THBS4: variants seen among roughly 807,000 people sequenced by gnomAD.
THBS4 encodes the protein thrombospondin-4.
THBS4 carries 90 observed loss-of-function variants against 115.7 expected under a neutral mutation model. The observed-to-expected ratio is 0.78, with a 90% CI of 0.66 to 0.93. THBS4 has a LOEUF of 0.93. Ranked by LOEUF, THBS4 falls within the 40% of genes least tolerant of loss-of-function variation. The pLI, the probability that THBS4 is intolerant of heterozygous loss-of-function variation, is 0.00. For synonymous variants in THBS4, 460 were observed against 479.3 expected, an observed-to-expected ratio of 0.96 and a Z score of 0.53; for missense variants, 1,087 against 1,232.7, an observed-to-expected ratio of 0.88 and a Z score of 1.77.
rs1831672573 is a variant in THBS4, at chr5:79,991,558, T to G, written n.81+146T>G. 1.5e-5 allele frequency: 4 copies of G among 264,230 alleles called. No individual in the cohort carries two copies. In the South Asian group the frequency reaches 6.3e-4, roughly 41 times the overall value. The allele number at this position is 264,230 out of a possible 1,614,324, so 16.4% of individuals were successfully genotyped here. On this transcript the variant is annotated intron_variant and non_coding_transcript_variant, in intron 1 of 3. Coordinates refer to the THBS4 transcript ENST00000510218. ...TGTTTGTAAAACAGGGATGACCCAGTATTTACAAGATTGTGGTATTTACAA... is the reference window on the plus strand; with the variant it reads ...TGTTTGTAAAACAGGGATGACCCAGGATTTACAAGATTGTGGTATTTACAA...
chr5:80,040,005 C>A (rs1181318770), intron 1 of THBS4, 72 bp from the exon 2 acceptor site: 8 of 1,392,240 alleles, frequency 5.7e-6, no homozygotes, highest in Non-Finnish European at 6.1e-6. Context: ...TGCACCCCCC[C>A]CAAACAAAGA....
chr5:80,081,754 T>TG (rs1743518484), intron 20 of THBS4, among the ~76,000 whole-genome samples: 1 of 152,242 alleles, frequency 6.6e-6, no homozygotes, highest in African/African-American at 2.4e-5. Flanking sequence ...CCCTGATAGT[T>TG]GCTCTTTACC....
At chr5:80,003,138 A>G (rs1246576870) in intron 2 of THBS4, among the ~76,000 whole-genome samples, 2 of 152,166 alleles carry the variant, frequency 1.3e-5, no homozygotes, top group Non-Finnish European at 2.9e-5. Flanking sequence ...CGATATTATT[A>G]AGAGAGGGAT....
intron 2 of THBS4, among the ~76,000 whole-genome samples, chr5:80,005,192 A>C (rs758295663): frequency 6.6e-6 from 1 of 152,178 alleles, no homozygotes; most frequent in Non-Finnish European, 1.5e-5. Flanking sequence ...CCTTTTGTTA[A>C]TGTTTATTTT....
At chr5:80,079,418 A>G (rs1444006316) in intron 19 of THBS4, among the ~76,000 whole-genome samples, 160 bp downstream of exon 19, 2 of 152,204 alleles carry the variant, frequency 1.3e-5, no homozygotes, top group Non-Finnish European at 1.5e-5. Context: ...CCTTGCCTTC[A>G]TTCCTGTGTG....
chr5:80,044,031 G>C (rs256448), intron 2 of THBS4, among the ~76,000 whole-genome samples: 36,051 of 152,006 alleles, frequency 0.24, 4,720 homozygotes, highest in African/African-American at 0.35. Context: ...TGTTCCTGCT[G>C]TCTGCTCCCT....
intron 1 of THBS4, among the ~76,000 whole-genome samples, chr5:80,038,979 C>T (rs1037030422): frequency 6.6e-6 from 1 of 152,166 alleles, no homozygotes; most frequent in Non-Finnish European, 1.5e-5. Flanking sequence ...TTTAAGTTAG[C>T]AACTCCTGCA....
In THBS4 at chr5:80,059,810, G is replaced by A. The variant is rs759791092; in HGVS notation, c.892G>A (p.Gly298Ser). The A allele has an allele frequency of 6.2e-7, 1 of 1,614,146 alleles. No homozygotes were observed. Among genetic ancestry groups the A allele is most frequent in the Non-Finnish European group, 8.5e-7 (1 of 1,180,020 alleles). ...RRCDSNPCFR[G>S]VQCTDSRDGF... ...GTGTGACTCCAACCCATGTTTCCGA[G>A]GTGTCCAATGTACCGACAGTAGAGA... The change falls in exon 7 of 22, where the codon GGT becomes AGT. Residue 298 changes from glycine to serine, a missense_variant. By Grantham distance (56) the Gly-to-Ser change is moderately conservative. This residue lies in a region of THBS4 where 979 missense variants were observed against 1,103.7 expected (regional missense o/e 0.89). Transcript: ENST00000350881.
At chr5:80,047,468 A>G (rs750886117) in intron 2 of THBS4, among the ~76,000 whole-genome samples, 2 of 152,138 alleles carry the variant, frequency 1.3e-5, no homozygotes, top group African/African-American at 2.4e-5. Context: ...AGAGAAATGA[A>G]GAAGCCAGAC....
chr5:80,018,305 T>C (rs1302354132), intron 2 of THBS4, among the ~76,000 whole-genome samples: 1 of 151,992 alleles, frequency 6.6e-6, no homozygotes, highest in Admixed American at 6.6e-5. Context: ...TAGTTATCTC[T>C]TTGTGTCCAG....
intron 2 of THBS4, among the ~76,000 whole-genome samples, chr5:80,013,464 A>G (rs1037926295): frequency 4.6e-5 from 7 of 152,120 alleles, no homozygotes; most frequent in Non-Finnish European, 1.0e-4. Context: ...CTTAAACCCA[A>G]AGGGGTCTAG....
chr5:80,028,193 C>A (rs1832518079), intron 2 of THBS4, among the ~76,000 whole-genome samples: 1 of 152,020 alleles, frequency 6.6e-6, no homozygotes, highest in Admixed American at 6.6e-5. Context: ...CCCCACCCCA[C>A]CTCCGCCACT....
chr5:80,071,050 C>G lies in THBS4; in HGVS notation c.1590C>G (p.Asp530Glu). 6.2e-7 allele frequency: 1 copy of G among 1,613,090 alleles called. No homozygotes were observed. The highest frequency in any genetic ancestry group is 8.5e-7 in the Non-Finnish European group (1 of 1,179,844). ...ACTGTGTCCTGATTCATAATGTGGA[C>G]CAAAGGAACAGCGATAAAGATATCT... The part of the protein sequence containing the change: ...QDNCVLIHNV[D>E]QRNSDKDIFG... Residue 530 changes from aspartate to glutamate, a missense_variant, in exon 13 of 22, where the codon GAC becomes GAG. Asp to Glu is a conservative substitution (Grantham distance 45). Transcript: ENST00000350881.
intron 2 of THBS4, among the ~76,000 whole-genome samples, chr5:80,008,790 G>A (rs894606856): frequency 2.0e-5 from 3 of 152,172 alleles, no homozygotes; most frequent in African/African-American, 4.8e-5. Context: ...AACCAAAAAT[G>A]TCTAGACATT....
chr5:80,014,153 C>A (rs1460191375), intron 2 of THBS4, among the ~76,000 whole-genome samples: 3 of 152,182 alleles, frequency 2.0e-5, no homozygotes, highest in Non-Finnish European at 4.4e-5. Context: ...GATACCACCA[C>A]CACCACTTCC....
intron 2 of THBS4, among the ~76,000 whole-genome samples, chr5:80,045,958 G>A (rs1405012451): frequency 1.3e-5 from 2 of 152,152 alleles, no homozygotes; most frequent in Non-Finnish European, 2.9e-5. Flanking sequence ...ATGTGCAGAA[G>A]ATGGAAAGAA....
chr5:80,045,421 G>C (rs1833030763), intron 2 of THBS4, among the ~76,000 whole-genome samples: 1 of 151,798 alleles, frequency 6.6e-6, no homozygotes. Flanking sequence ...GCAAGCTAAA[G>C]AGAAATATAG....
chr5:80,076,729 G>A lies in THBS4; in HGVS notation c.1893-126G>A. 3 of 952,462 alleles carry A rather than the reference G, an allele frequency of 3.1e-6. No individual in the cohort carries two copies. The South Asian group carries it at 8.4e-5, about 27-fold the overall frequency. The allele number at this position is 952,462 out of a possible 1,614,324, so 59.0% of individuals were successfully genotyped here. On this transcript the variant is annotated intron_variant, in intron 15 of 21. Coordinates refer to ENST00000350881, the MANE Select transcript of THBS4 (RefSeq NM_003248.6). ...CCTTATCTAAGGGAATGACCCCAGT[G>A]GGTTTGATTTTAAGAGCCAACCCTG...
intron 4 of THBS4, 133 bp from the exon 5 acceptor site, chr5:80,058,575 C>T: frequency 1.3e-6 from 1 of 792,888 alleles, no homozygotes; most frequent in African/African-American, 1.7e-5. Context: ...GAAATTACCC[C>T]AAATTAAATT....
Sources: allele counts gnomAD v4.1 joint callset (sites outside exome capture counted in the v4.1 genomes callset), GRCh38; gene constraint gnomAD v4.1.1; regional missense constraint gnomAD v4.1.1; transcripts MANE v1.5; gene names NCBI Gene and HGNC (gene_info 2026-07-23, HGNC 2026-07-21).